The following OTUD7A variants were observed in gnomAD, a reference collection of about 807,000 sequenced individuals.
OTUD7A encodes the protein OTU domain-containing protein 7A.
OTUD7A carries 12 observed loss-of-function variants against 65.7 expected under a neutral mutation model. The ratio of observed to expected loss-of-function variants is 0.18; its 90% CI spans 0.12 to 0.30. The LOEUF is 0.30. Among genes scored for constraint, OTUD7A ranks in the 10% least tolerant of loss-of-function variants. The probability of loss-of-function intolerance (pLI) is 1.00; values close to 1 mark genes in which losing one functional copy is unlikely to be tolerated. For synonymous variants in OTUD7A, 641 were observed against 586.3 expected (o/e 1.09, Z -1.35); for missense variants, 1,148 against 1,304.8 (o/e 0.88, Z 1.85).
chr15:31,697,999 G>C (rs576944563), intron 1 of OTUD7A, among the ~76,000 whole-genome samples: 2 of 152,254 alleles, frequency 1.3e-5, no homozygotes, highest in African/African-American at 4.8e-5. Flanking sequence ...TCATCAGGCA[G>C]CTTCACTGAC....
At chr15:31,574,698 C>G (rs1018565464) in intron 3 of OTUD7A, among the ~76,000 whole-genome samples, 1 of 152,208 alleles carries the variant, frequency 6.6e-6, no homozygotes, top group Admixed American at 6.5e-5. Context: ...GCTTTGACAT[C>G]TTGGGGCCTT....
intron 1 of OTUD7A, among the ~76,000 whole-genome samples, chr15:31,660,527 T>A (rs1892133624): frequency 6.6e-6 from 1 of 152,232 alleles, no homozygotes; most frequent in South Asian, 2.1e-4. Flanking sequence ...GAGCACATTA[T>A]CATTTCCAAA....
At chr15:31,751,234 C>A (rs1292732806) in intron 1 of OTUD7A, among the ~76,000 whole-genome samples, 1 of 151,778 alleles carries the variant, frequency 6.6e-6, no homozygotes, top group Non-Finnish European at 1.5e-5. Context: ...CAAGGAACAA[C>A]CTCATTAAAC....
At chr15:31,540,624 T>C (rs551085299) in intron 5 of OTUD7A, among the ~76,000 whole-genome samples, 3 of 152,160 alleles carry the variant, frequency 2.0e-5, no homozygotes, top group Non-Finnish European at 4.4e-5. Context: ...TATTATTTAA[T>C]ATTGGGAAAG....
At chr15:31,693,887 C>G (rs771985799) in intron 1 of OTUD7A, among the ~76,000 whole-genome samples, 1 of 152,208 alleles carries the variant, frequency 6.6e-6, no homozygotes. Context: ...TGCATCACCA[C>G]GGGACTTGGG....
chr15:31,548,192 CGGGCCACCCCCATCATCTGTGGGCGCCCT>C (rs140857626), intron 5 of OTUD7A, among the ~76,000 whole-genome samples: 52,782 of 150,682 alleles, frequency 0.35, 10,613 homozygotes, highest in South Asian at 0.52. Flanking sequence ...GTGGGCCTCC[CGGGCCACCCCCATCATCTGTGGGCGCCCT>C]GGGCCACCCC....
In OTUD7A at chr15:31,487,940, C is replaced by G. The variant is rs536825117; in HGVS notation, c.1172-374G>C. ...TTGCAGGTGGGCCTGGGGCTCAGCTCTCCTGTCTCGTCCCAGAGAAGGGCC... is the reference window on the plus strand; with the variant it reads ...TTGCAGGTGGGCCTGGGGCTCAGCTGTCCTGTCTCGTCCCAGAGAAGGGCC... On this transcript the variant is annotated intron_variant, in intron 10 of 12. Coordinates refer to ENST00000307050, the MANE Select transcript of OTUD7A (RefSeq NM_001382637.1). The surrounding 1 kb of genome is among the most constrained non-coding windows in gnomAD (Gnocchi z 6.0). Among the ~76,000 whole-genome samples the G allele has an allele frequency of 6.6e-6, 1 of 152,274 alleles. No individual in the cohort carries two copies. The highest frequency in any genetic ancestry group is 2.4e-5 in the African/African-American group (1 of 41,554).
At chr15:31,598,129 G>A (rs951619667) in intron 3 of OTUD7A, among the ~76,000 whole-genome samples, 4 of 152,160 alleles carry the variant, frequency 2.6e-5, no homozygotes, top group African/African-American at 7.2e-5. Flanking sequence ...CTCTCCGCTC[G>A]CAGTCAGCCA....
At chr15:31,515,878 ACACCTGTCCACCCACCCACCCATC>A (rs1407431589) in intron 8 of OTUD7A, among the ~76,000 whole-genome samples, 7 of 135,458 alleles carry the variant, frequency 5.2e-5, no homozygotes, top group Non-Finnish European at 1.1e-4. Context: ...ACCCACCCAT[ACACCTGTCCACCCACCCACCCATC>A]CACCTGTCCA....
chr15:31,827,071 C>A (rs895877796), intron 1 of OTUD7A, among the ~76,000 whole-genome samples: 1 of 152,202 alleles, frequency 6.6e-6, no homozygotes, highest in Admixed American at 6.5e-5. Context: ...TGCCTGTTAC[C>A]CAGTTCCAAA....
intron 3 of OTUD7A, among the ~76,000 whole-genome samples, chr15:31,641,932 A>G (rs1261506785): frequency 6.6e-6 from 1 of 152,194 alleles, no homozygotes; most frequent in Non-Finnish European, 1.5e-5. Context: ...TGCACTGGCC[A>G]GAATGTCCAG....
In OTUD7A at chr15:31,517,809, C is replaced by T. The variant is rs911499556; in HGVS notation, c.893+8540G>A. On this transcript the variant is annotated intron_variant, in intron 8 of 12. Coordinates refer to ENST00000307050, the MANE Select transcript of OTUD7A (RefSeq NM_001382637.1). ...TCATGGAGCAAGGTCCAGATGGTAT[C>T]TCAGGCCCCAGGGAACAGTTTGGGG... 3.2e-4 allele frequency among the ~76,000 whole-genome samples: 49 copies of T among 152,298 alleles called. 1 individual carries two copies. The highest frequency in any genetic ancestry group is 1.1e-3 in the African/African-American group (47 of 41,554).
intron 1 of OTUD7A, among the ~76,000 whole-genome samples, chr15:31,857,992 G>A (rs768362417): frequency 3.3e-5 from 5 of 152,194 alleles, no homozygotes; most frequent in African/African-American, 9.7e-5. Flanking sequence ...TACGAAGAAC[G>A]CATGGTTTCC....
intron 5 of OTUD7A, among the ~76,000 whole-genome samples, chr15:31,547,872 A>G (rs1169849839): frequency 1.3e-5 from 2 of 152,242 alleles, no homozygotes; most frequent in African/African-American, 4.8e-5. Context: ...TCAGTGAACC[A>G]GCTGTAGACA....
intron 3 of OTUD7A, among the ~76,000 whole-genome samples, chr15:31,588,369 T>TAAGGGAAAGC (rs1889611861): frequency 6.6e-6 from 1 of 152,106 alleles, no homozygotes; most frequent in Non-Finnish European, 1.5e-5. Flanking sequence ...GGCAACACGC[T>TAAGGGAAAGC]AAGGGAAAGC....
chr15:31,694,206 T>C (rs1188564379), intron 1 of OTUD7A, among the ~76,000 whole-genome samples: 1 of 152,108 alleles, frequency 6.6e-6, no homozygotes, highest in African/African-American at 2.4e-5. Context: ...AGCGCAGGTG[T>C]GTGAAGGGTC....
intron 1 of OTUD7A, among the ~76,000 whole-genome samples, chr15:31,733,442 C>G (rs8024201): frequency 6.6e-6 from 1 of 151,896 alleles, no homozygotes; most frequent in Non-Finnish European, 1.5e-5. Flanking sequence ...CCTCCTCTAC[C>G]CCAACATTCA....
intron 5 of OTUD7A, 74 bp downstream of exon 5, chr15:31,558,895 T>C: frequency 6.7e-7 from 1 of 1,493,396 alleles, no homozygotes; most frequent in Non-Finnish European, 9.2e-7. Flanking sequence ...CTTCTCTTGC[T>C]CATAGAGTAG....
intron 10 of OTUD7A, among the ~76,000 whole-genome samples, chr15:31,491,535 G>C (rs1204871934): frequency 6.6e-6 from 1 of 152,166 alleles, no homozygotes; most frequent in Non-Finnish European, 1.5e-5. Flanking sequence ...AGCACCTTAA[G>C]TTCTGTGTAA....
Sources: allele counts gnomAD v4.1 joint callset (sites outside exome capture counted in the v4.1 genomes callset), GRCh38; gene constraint gnomAD v4.1.1; non-coding constraint Gnocchi (gnomAD v3.1); transcripts MANE v1.5; gene names NCBI Gene and HGNC (gene_info 2026-07-23, HGNC 2026-07-21).